The following FLT1 variants were observed in gnomAD, a reference collection of about 807,000 sequenced individuals.
The protein encoded by FLT1 is vascular endothelial growth factor receptor 1.
A neutral mutation model predicts 156.3 loss-of-function variants in FLT1; 49 were observed. That is an observed-to-expected ratio of 0.31 (90% CI 0.25 to 0.40). The LOEUF is 0.40. Ranked by LOEUF, FLT1 falls within the 10% of genes least tolerant of loss-of-function variation. The pLI is 1.00. For missense variants in FLT1, 1,322 were observed against 1,637.2 expected, an observed-to-expected ratio of 0.81 and a Z score of 3.32; for synonymous variants, 594 against 583.8, an observed-to-expected ratio of 1.02 and a Z score of -0.25.
chr13:28,481,109 G>A (rs1475966439), intron 1 of FLT1, among the ~76,000 whole-genome samples: 1 of 152,164 alleles, frequency 6.6e-6, no homozygotes, highest in Non-Finnish European at 1.5e-5. Flanking sequence ...AGTGACTCGG[G>A]CTCTGTTGGT....
chr13:28,408,356 G>A (rs925131609), intron 10 of FLT1, among the ~76,000 whole-genome samples: 2 of 152,208 alleles, frequency 1.3e-5, no homozygotes, highest in African/African-American at 2.4e-5. Context: ...GCCCTAGTAT[G>A]GAAACTATAG....
At chr13:28,379,513 C>T (rs11616473) in intron 14 of FLT1, among the ~76,000 whole-genome samples, 3,936 of 152,152 alleles carry the variant, frequency 0.026, 129 homozygotes, top group Admixed American at 0.088. Flanking sequence ...TTAGTGCTAA[C>T]GAGCTGGATG....
rs1304762753 is a variant in FLT1 at position 28,322,628 on chromosome 13, C to T, written c.2953+162G>A. 3.9e-6 allele frequency: 3 copies of T among 777,366 alleles called. No individual in the cohort carries two copies. Among genetic ancestry groups the T allele is most frequent in the African/African-American group, 3.4e-5 (2 of 58,084 alleles). 48.2% of individuals were successfully genotyped at this position (777,366 alleles called of 1,614,324 possible). A position where few individuals can be genotyped will look rare whatever the true frequency, so the allele number is the denominator to read the frequency against. On this transcript the variant is annotated intron_variant, in intron 21 of 29. Coordinates refer to ENST00000282397, the MANE Select transcript of FLT1 (RefSeq NM_002019.4). The surrounding 1 kb of genome is among the most constrained non-coding windows in gnomAD (Gnocchi z 4.3). ...TACAGTTCCCTGTCAAAATTAGTAA[C>T]TCTGTAAATTATCTTAATTCAAATC...
At chr13:28,318,858 T>C (rs1219801393) in intron 24 of FLT1, among the ~76,000 whole-genome samples, 1 of 152,168 alleles carries the variant, frequency 6.6e-6, no homozygotes, top group Non-Finnish European at 1.5e-5. Context: ...CAGCCACCCA[T>C]AGTGGATGTT....
At chr13:28,312,663 C>T (rs1051302504) in intron 25 of FLT1, among the ~76,000 whole-genome samples, 4 of 152,178 alleles carry the variant, frequency 2.6e-5, no homozygotes, top group East Asian at 1.9e-4. Flanking sequence ...TTTATGGGCT[C>T]AGCAGTGGAG....
At chr13:28,319,611 C>T in intron 23 of FLT1, 77 bp from the exon 24 acceptor site, 2 of 810,454 alleles carry the variant, frequency 2.5e-6, no homozygotes, top group Non-Finnish European at 4.3e-6. Flanking sequence ...CATGGGGTCA[C>T]CTCCCAGATA....
rs761241715 is a variant in FLT1, at chr13:28,388,631, A to C, written c.1969+1165T>G. 901 of 1,055,398 alleles carry C rather than the reference A, an allele frequency of 8.5e-4. 19 individuals are homozygous for C. Among genetic ancestry groups the C allele is most frequent in the Non-Finnish European group, 1.7e-4 (149 of 872,968 alleles). 65.4% of individuals were successfully genotyped at this position (1,055,398 alleles called of 1,614,324 possible). A position where few individuals can be genotyped will look rare whatever the true frequency, so the allele number is the denominator to read the frequency against. ...GGTGTGTATTTTTTAAATTACTTTG[A>C]ATTCTGCTTCTGTAGTTTTGCCGCT... On this transcript the variant is annotated intron_variant, in intron 13 of 29. Coordinates refer to ENST00000282397, the MANE Select transcript of FLT1 (RefSeq NM_002019.4).
intron 27 of FLT1, among the ~76,000 whole-genome samples, chr13:28,310,861 T>G (rs552380087): frequency 7.3e-4 from 111 of 152,300 alleles, no homozygotes; most frequent in Non-Finnish European, 1.4e-3. Flanking sequence ...AAATGTAATC[T>G]GTTATTCTTA....
At chr13:28,326,232 T>A (rs1251836091) in intron 20 of FLT1, among the ~76,000 whole-genome samples, 2 of 152,198 alleles carry the variant, frequency 1.3e-5, no homozygotes, top group Non-Finnish European at 2.9e-5. Context: ...ATAAGCTTCA[T>A]TTAATAAACG....
In FLT1 at chr13:28,360,948, C is replaced by T. The variant is rs1001898137; in HGVS notation, c.2117-3263G>A. 9.9e-5 allele frequency among the ~76,000 whole-genome samples: 15 copies of T among 152,182 alleles called. No homozygotes were observed. The East Asian group carries it at 2.7e-3, about 27-fold the overall frequency. On this transcript the variant is annotated intron_variant, in intron 14 of 29. Coordinates refer to ENST00000282397, the MANE Select transcript of FLT1 (RefSeq NM_002019.4). ...TAATATTAAAACATCACACTGTACC[C>T]CATGCATATATATAATTATTATTAT...
At chr13:28,321,313 TG>T in intron 23 of FLT1, 149 bp downstream of exon 23, 1 of 965,836 alleles carries the variant, frequency 1.0e-6, no homozygotes, top group Non-Finnish European at 1.6e-6. Context: ...AAGGGCTCTC[TG>T]GGATGCCGCT....
At chr13:28,305,195 T>C (rs12429309) in intron 29 of FLT1, among the ~76,000 whole-genome samples, 34,150 of 152,096 alleles carry the variant, frequency 0.22, 4,073 homozygotes, top group Admixed American at 0.31. Context: ...ACTGACTTCA[T>C]CTAGCTATCC....
intron 14 of FLT1, among the ~76,000 whole-genome samples, chr13:28,374,877 A>C (rs1412044995): frequency 6.6e-6 from 1 of 151,828 alleles, no homozygotes; most frequent in Admixed American, 6.6e-5. Context: ...CACACAAACA[A>C]ACACACACAC....
intron 3 of FLT1, among the ~76,000 whole-genome samples, chr13:28,441,968 A>C (rs917007719): frequency 6.6e-6 from 1 of 152,178 alleles, no homozygotes; most frequent in Non-Finnish European, 1.5e-5. Flanking sequence ...AAAACTATAA[A>C]TTTTGCATTT....
At chr13:28,435,616 T>G (rs1877983714) in intron 4 of FLT1, among the ~76,000 whole-genome samples, 1 of 152,240 alleles carries the variant, frequency 6.6e-6, no homozygotes, top group African/African-American at 2.4e-5. Flanking sequence ...CATCCCTCGC[T>G]CTATCCAGTT....
chr13:28,438,402 T>A, intron 3 of FLT1, 57 bp from the exon 4 acceptor site: 1 of 1,358,404 alleles, frequency 7.4e-7, no homozygotes, highest in Non-Finnish European at 1.0e-6. Context: ...TGCAAGCATC[T>A]AGACACTGTA....
intron 14 of FLT1, among the ~76,000 whole-genome samples, chr13:28,371,128 A>G (rs867204627): frequency 2.6e-5 from 4 of 152,212 alleles, no homozygotes; most frequent in Non-Finnish European, 5.9e-5. Flanking sequence ...AAAATGACAT[A>G]TGGTGTGACC....
chr13:28,415,457 G>C (rs1202618483), intron 10 of FLT1, among the ~76,000 whole-genome samples: 2 of 151,794 alleles, frequency 1.3e-5, no homozygotes, highest in Admixed American at 1.3e-4. Flanking sequence ...CTCCAGCCTG[G>C]GCAACAACAG....
intron 14 of FLT1, among the ~76,000 whole-genome samples, chr13:28,375,028 T>A (rs1873783290): frequency 6.6e-6 from 1 of 152,182 alleles, no homozygotes; most frequent in East Asian, 1.9e-4. Context: ...AGGAGGCTTT[T>A]CTGGGCTGAA....
Sources: gnomAD v4.1 joint callset for allele counts (sites outside exome capture counted in the v4.1 genomes callset) on GRCh38, gnomAD v4.1.1 for gene constraint, Gnocchi (gnomAD v3.1) non-coding constraint, MANE v1.5 for transcripts, NCBI Gene and HGNC (gene_info 2026-07-23, HGNC 2026-07-21) for gene names.